Variants in RBFOX1 observed in about 807,000 individuals in gnomAD.
RBFOX1 encodes RNA binding protein fox-1 homolog 1.
RBFOX1 carries 8 observed loss-of-function variants against 57.7 expected under a neutral mutation model. The observed-to-expected ratio is 0.14, with a 90% CI of 0.08 to 0.25. The LOEUF (loss-of-function observed/expected upper bound fraction) is 0.25, where lower values mean the gene tolerates loss of function less well. RBFOX1 is among the 10% of genes least tolerant of loss of function. The probability of loss-of-function intolerance (pLI) is 1.00; values close to 1 mark genes in which losing one functional copy is unlikely to be tolerated. For missense variants in RBFOX1, 611 were observed against 548.5 expected, an observed-to-expected ratio of 1.11 and a Z score of -1.14; for synonymous variants, 326 against 222.4, an observed-to-expected ratio of 1.47 and a Z score of -4.15.
In RBFOX1 at chr16:6,999,194, ATTTTATT is replaced by A. The variant is rs1387083580; in HGVS notation, c.-15-52852_-15-52846del. Among the ~76,000 whole-genome samples the A allele has an allele frequency of 3.7e-3, 363 of 97,696 alleles. 7 individuals are homozygous for A. The highest frequency in any genetic ancestry group is 0.011 in the African/African-American group (349 of 32,680). 64.1% of individuals were successfully genotyped at this position (97,696 alleles called of 152,430 possible). On this transcript the variant is annotated intron_variant, in intron 3 of 15. Coordinates refer to ENST00000550418, the MANE Select transcript of RBFOX1 (RefSeq NM_018723.4). ...TTTTTATTTTATTTTATTTTATTTT[ATTTTATT>A]TTTTATTTTTATTTATTTTTTTTAT...
intron 4 of RBFOX1, among the ~76,000 whole-genome samples, chr16:7,403,323 T>C (rs2098275956): frequency 6.6e-6 from 1 of 152,094 alleles, no homozygotes; most frequent in Non-Finnish European, 1.5e-5. Context: ...ACATTAGACG[T>C]CTAGAATTCA....
At chr16:5,830,260 C>G (rs923217716) in intron 3 of RBFOX1, among the ~76,000 whole-genome samples, 1 of 152,142 alleles carries the variant, frequency 6.6e-6, no homozygotes, top group Non-Finnish European at 1.5e-5. Flanking sequence ...GTTCAGCTTT[C>G]CTATGCATTT....
chr16:7,281,071 T>G (rs913810165), intron 4 of RBFOX1, among the ~76,000 whole-genome samples: 1 of 150,148 alleles, frequency 6.7e-6, no homozygotes, highest in African/African-American at 2.5e-5. Flanking sequence ...GGCACAGTCT[T>G]GGCTCACTGC....
chr16:6,815,643 C>T (rs145976870), intron 3 of RBFOX1, among the ~76,000 whole-genome samples: 74 of 152,272 alleles, frequency 4.9e-4, no homozygotes, highest in African/African-American at 1.7e-3. Flanking sequence ...TTTCTCAAGG[C>T]TACCTACTTA....
intron 3 of RBFOX1, among the ~76,000 whole-genome samples, chr16:5,841,883 C>G (rs938971277): frequency 2.0e-5 from 3 of 152,188 alleles, no homozygotes; most frequent in East Asian, 3.9e-4. Context: ...TGGGCTGCCT[C>G]TCCTCAAAGC....
At chr16:6,772,215 G>A (rs568301869) in intron 3 of RBFOX1, among the ~76,000 whole-genome samples, 1 of 152,170 alleles carries the variant, frequency 6.6e-6, no homozygotes, top group Admixed American at 6.5e-5. Flanking sequence ...AGTAGAAGTG[G>A]GCTAGTGGGG....
At chr16:5,531,967 T>G (rs1382974358) in intron 2 of RBFOX1, among the ~76,000 whole-genome samples, 1 of 152,126 alleles carries the variant, frequency 6.6e-6, no homozygotes, top group African/African-American at 2.4e-5. Context: ...TCCTGGCTAA[T>G]TTTTGTATTT....
At chr16:6,006,988 T>C (rs1321631361) in intron 4 of RBFOX1, among the ~76,000 whole-genome samples, 1 of 152,164 alleles carries the variant, frequency 6.6e-6, no homozygotes, top group Non-Finnish European at 1.5e-5. Flanking sequence ...TTTCTGGGAA[T>C]GGGGATGTGA....
At chr16:6,765,745 C>G (rs1603617778) in intron 3 of RBFOX1, among the ~76,000 whole-genome samples, 1 of 152,078 alleles carries the variant, frequency 6.6e-6, no homozygotes, top group Non-Finnish European at 1.5e-5. Flanking sequence ...TAGTGCCCAG[C>G]AACCAATAAG....
At chr16:5,980,537 C>T (rs2060151420) in intron 4 of RBFOX1, among the ~76,000 whole-genome samples, 1 of 152,154 alleles carries the variant, frequency 6.6e-6, no homozygotes, top group Admixed American at 6.6e-5. Flanking sequence ...AGCAGTGATC[C>T]TCCGCATTCT....
intron 3 of RBFOX1, among the ~76,000 whole-genome samples, chr16:7,019,423 G>GGAGAGTGC (rs563812161): frequency 1.2e-4 from 19 of 152,106 alleles, no homozygotes; most frequent in African/African-American, 4.6e-4. Flanking sequence ...AGAGAGAGTG[G>GGAGAGTGC]GAGAGTGCAT....
chr16:5,563,900 T>G (rs907836878), intron 2 of RBFOX1, among the ~76,000 whole-genome samples: 1 of 152,204 alleles, frequency 6.6e-6, no homozygotes, highest in Non-Finnish European at 1.5e-5. Context: ...CATCATTTAT[T>G]TTCTTAAGTT....
At chr16:5,678,639 C>G (rs961057285) in intron 3 of RBFOX1, among the ~76,000 whole-genome samples, 2 of 152,120 alleles carry the variant, frequency 1.3e-5, no homozygotes, top group African/African-American at 4.8e-5. Flanking sequence ...TATTATGCGG[C>G]GTAGGCAAGT....
intron 3 of RBFOX1, among the ~76,000 whole-genome samples, chr16:6,950,014 T>C (rs2080374367): frequency 6.6e-6 from 1 of 151,726 alleles, no homozygotes; most frequent in Non-Finnish European, 1.5e-5. Context: ...TGGTGTGTTC[T>C]CGGCTCGCTG....
chr16:6,057,277 A>C (rs1315088320), intron 1 of RBFOX1, among the ~76,000 whole-genome samples: 1 of 152,110 alleles, frequency 6.6e-6, no homozygotes, highest in African/African-American at 2.4e-5. Flanking sequence ...GTTGTGGAGG[A>C]AATATCAGAA....
chr16:7,525,052 C>T (rs537851967), intron 5 of RBFOX1, among the ~76,000 whole-genome samples: 133 of 152,296 alleles, frequency 8.7e-4, no homozygotes, highest in Admixed American at 2.1e-3. Flanking sequence ...GTTACTAATA[C>T]CTTATATTTC....
intron 4 of RBFOX1, among the ~76,000 whole-genome samples, chr16:7,279,728 G>C (rs894694805): frequency 2.6e-5 from 4 of 152,228 alleles, no homozygotes; most frequent in African/African-American, 9.6e-5. Context: ...GCTCGCCCTG[G>C]TGTTGCCTGA....
intron 3 of RBFOX1, among the ~76,000 whole-genome samples, chr16:5,769,862 C>G (rs1206485809): frequency 6.6e-6 from 1 of 152,124 alleles, no homozygotes; most frequent in East Asian, 1.9e-4. Context: ...TTGAGCCACC[C>G]AATTTGTGGT....
At chr16:6,900,002 A>C (rs2068050128) in intron 3 of RBFOX1, among the ~76,000 whole-genome samples, 1 of 152,136 alleles carries the variant, frequency 6.6e-6, no homozygotes, top group Non-Finnish European at 1.5e-5. Flanking sequence ...CTGTTTCCTT[A>C]TTTATAACAG....
Sources: allele counts gnomAD v4.1 joint callset (sites outside exome capture counted in the v4.1 genomes callset), GRCh38; gene constraint gnomAD v4.1.1; transcripts MANE v1.5; gene names NCBI Gene and HGNC (gene_info 2026-07-23, HGNC 2026-07-21).